The following DIP2B variants were observed in gnomAD, a reference collection of about 807,000 sequenced individuals.
DIP2B encodes the protein disco-interacting protein 2 homolog B.
In DIP2B, 76 loss-of-function variants were observed where a neutral mutation model predicts 198.0. The observed-to-expected ratio is 0.38, with a 90% CI of 0.32 to 0.46. The LOEUF (loss-of-function observed/expected upper bound fraction) is 0.46, where lower values mean the gene tolerates loss of function less well. Among genes scored for constraint, DIP2B ranks in the 20% least tolerant of loss-of-function variants. DIP2B has a pLI of 0.99. For missense variants in DIP2B, 1,559 were observed against 1,978.4 expected, an observed-to-expected ratio of 0.79 and a Z score of 4.02; for synonymous variants, 701 against 739.1, an observed-to-expected ratio of 0.95 and a Z score of 0.84.
In DIP2B at chr12:50,732,428, C is replaced by T. The variant is rs774026273; in HGVS notation, c.3873C>T (p.Arg1291=). The T allele has an allele frequency of 2.7e-5, 43 of 1,614,110 alleles. No homozygotes were observed. The highest frequency in any genetic ancestry group is 8.3e-5 in the Admixed American group (5 of 60,004). ...TGGTGGTGGCGGAGGAGAGGCCCCG[C>T]GTTGCACTCCAGCAGTCCTTCTCTA... ...TCVVVAEERP[R]VALQQSFSKL... is the part of the protein sequence containing the mutation. Residue 1291 remains arginine, a synonymous_variant, in exon 32 of 38, where the codon CGC becomes CGT. Transcript: ENST00000301180.
rs769066177 is a variant in DIP2B, at chr12:50,699,079, T to C, written c.2202T>C (p.Ile734=). ...GHVMPGGMMC[I]VKPDGPPQLC... Reference sequence around the variant, plus strand: ...TCTGTACGTTAGGGATGATGTGCATTGTGAAACCAGATGGACCTCCCCAGC... The same window carrying C: ...TCTGTACGTTAGGGATGATGTGCATCGTGAAACCAGATGGACCTCCCCAGC... Residue 734 remains isoleucine (I), a synonymous_variant, in exon 19 of 38, where the codon ATT becomes ATC. Transcript: ENST00000301180. 4 of 1,614,172 alleles carry C rather than the reference T, an allele frequency of 2.5e-6. No individual in the cohort carries two copies. The highest frequency in any genetic ancestry group is 3.3e-5 in the Admixed American group (2 of 60,012).
At chr12:50,659,741 G>GTTTTCTTTCAGACTTGAAAGAAA (rs1050827224) in intron 3 of DIP2B, among the ~76,000 whole-genome samples, 2 of 152,092 alleles carry the variant, frequency 1.3e-5, no homozygotes, top group Non-Finnish European at 2.9e-5. Flanking sequence ...TCTCAACCAA[G>GTTTTCTTTCAGACTTGAAAGAAA]TTTTCTTTCA....
At chr12:50,609,658 G>A (rs1337900242) in intron 1 of DIP2B, among the ~76,000 whole-genome samples, 1 of 152,214 alleles carries the variant, frequency 6.6e-6, no homozygotes, top group Non-Finnish European at 1.5e-5. Flanking sequence ...CCAGACCTTA[G>A]TAATTTGACC....
rs1041846954 is a variant in DIP2B, at chr12:50,746,552, C to G, written c.*1713C>G. ...TTTGTGACTCCCTTCATGTAATCCT[C>G]TTTTCCTCCCCACTCCTCCACAGAG... On this transcript the variant is annotated 3_prime_UTR_variant, in exon 38 of 38. Transcript: ENST00000301180. 2 of 152,214 alleles carry G rather than the reference C, an allele frequency of 1.3e-5. No homozygotes were observed. The highest frequency in any genetic ancestry group is 6.6e-5 in the Admixed American group (1 of 15,266). The allele number at this position is 152,214 out of a possible 1,614,324, so 9.4% of individuals were successfully genotyped here. A position where few individuals can be genotyped will look rare whatever the true frequency, so the allele number is the denominator to read the frequency against.
intron 1 of DIP2B, among the ~76,000 whole-genome samples, chr12:50,525,130 G>T (rs1362733905): frequency 6.6e-6 from 1 of 152,074 alleles, no homozygotes; most frequent in African/African-American, 2.4e-5. Context: ...GGCCGAGGCG[G>T]GCAGATCACG....
Position 50,739,439 on chromosome 12 carries a change from G to A in DIP2B, c.4207G>A (p.Gly1403Ser), listed in dbSNP as rs758467662. The change falls in exon 36 of 38, where the codon GGC becomes AGC. Residue 1403 changes from glycine to serine, a missense_variant. By Grantham distance (56) the Gly-to-Ser change is moderately conservative. Coordinates refer to ENST00000301180, the MANE Select transcript of DIP2B (RefSeq NM_173602.3). ...GGTGAACAGTCCCCATACAGCCAGC[G>A]GCTACTACACCATCTATGATAGCGA... ...IWVNSPHTAS[G>S]YYTIYDSETL... 12 of 1,613,514 alleles carry A rather than the reference G, an allele frequency of 7.4e-6. No homozygotes were observed. The highest frequency in any genetic ancestry group is 4.5e-5 in the East Asian group (2 of 44,866).
intron 28 of DIP2B, among the ~76,000 whole-genome samples, chr12:50,726,124 G>T (rs1300412877): frequency 6.6e-6 from 1 of 152,148 alleles, no homozygotes; most frequent in African/African-American, 2.4e-5. Flanking sequence ...GAGGTCAAAG[G>T]TGTTAGTCTT....
Position 50,685,965 on chromosome 12 carries a change from C to T in DIP2B, c.1441+9C>T. On this transcript the variant is annotated intron_variant, in intron 11 of 37. Transcript: ENST00000301180. ...AATTGTACAGTTTAAAGGTTAGTAA[C>T]ATTGTACCTGAATTATCAGTTAAAA... is the stretch of plus-strand genomic sequence containing the variant. 2.5e-6 allele frequency: 4 copies of T among 1,607,374 alleles called. No individual in the cohort carries two copies. Among genetic ancestry groups the T allele is most frequent in the Non-Finnish European group, 2.5e-6 (3 of 1,177,734 alleles).
chr12:50,615,451 G>A (rs1937682237), intron 1 of DIP2B, among the ~76,000 whole-genome samples: 1 of 152,052 alleles, frequency 6.6e-6, no homozygotes, highest in Non-Finnish European at 1.5e-5. Flanking sequence ...TAGGCCCTTA[G>A]CATCCAAAGG....
chr12:50,591,406 A>G (rs1417393456), intron 1 of DIP2B, among the ~76,000 whole-genome samples: 1 of 151,064 alleles, frequency 6.6e-6, no homozygotes, highest in Non-Finnish European at 1.5e-5. Context: ...TCCTTTTTTA[A>G]AATTCTTGGG....
At chr12:50,563,926 A>G (rs918627462) in intron 1 of DIP2B, among the ~76,000 whole-genome samples, 2 of 152,036 alleles carry the variant, frequency 1.3e-5, no homozygotes, top group Admixed American at 6.6e-5. Flanking sequence ...AGCTAATGAC[A>G]TCACATTTCA....
At chr12:50,563,208 A>G (rs559251663) in intron 1 of DIP2B, among the ~76,000 whole-genome samples, 1 of 152,096 alleles carries the variant, frequency 6.6e-6, no homozygotes, top group Non-Finnish European at 1.5e-5. Context: ...TTCTTCTGAG[A>G]TATGGTCTCT....
In DIP2B at chr12:50,505,286, C is replaced by T; in HGVS notation, c.100+46C>T. ...AGGGCGCCCGGGGCCCTGCGGATCG[C>T]GGCGACTTGGGAGACAGGTCCCCGC... On this transcript the variant is annotated intron_variant, in intron 1 of 37. Transcript: ENST00000301180. The T allele has an allele frequency of 2.1e-6, 3 of 1,410,350 alleles. No homozygotes were observed. The South Asian group carries it at 4.4e-5, about 21-fold the overall frequency. 87.4% of individuals were successfully genotyped at this position (1,410,350 alleles called of 1,614,324 possible).
At chr12:50,681,654 C>T (rs987033707) in intron 9 of DIP2B, among the ~76,000 whole-genome samples, 2 of 152,030 alleles carry the variant, frequency 1.3e-5, no homozygotes, top group South Asian at 4.1e-4. Context: ...CATTACTTTT[C>T]ATTTGGAATT....
intron 1 of DIP2B, among the ~76,000 whole-genome samples, chr12:50,574,114 T>C (rs891789552): frequency 6.6e-6 from 1 of 152,180 alleles, no homozygotes; most frequent in African/African-American, 2.4e-5. Context: ...CAATACTTTC[T>C]CCATCAAAAT....
intron 1 of DIP2B, among the ~76,000 whole-genome samples, chr12:50,571,073 T>A (rs1291586995): frequency 6.6e-6 from 1 of 151,752 alleles, no homozygotes; most frequent in African/African-American, 2.4e-5. Flanking sequence ...ATAATAGAGG[T>A]ATGAAAAGAA....
At chr12:50,666,757 C>T (rs558053480) in intron 4 of DIP2B, among the ~76,000 whole-genome samples, 1 of 151,926 alleles carries the variant, frequency 6.6e-6, no homozygotes, top group East Asian at 1.9e-4. Flanking sequence ...CGTGGTGGCT[C>T]ACGCCTGTAA....
intron 4 of DIP2B, among the ~76,000 whole-genome samples, chr12:50,666,199 T>C (rs1356611120): frequency 6.6e-6 from 1 of 152,216 alleles, no homozygotes; most frequent in Non-Finnish European, 1.5e-5. Flanking sequence ...CAATACCTGA[T>C]TGTAAAATTT....
At chr12:50,634,164 CAT>C (rs1041728532) in intron 2 of DIP2B, among the ~76,000 whole-genome samples, 1 of 152,202 alleles carries the variant, frequency 6.6e-6, no homozygotes, top group African/African-American at 2.4e-5. Context: ...AAGCTTCCCA[CAT>C]GTCTCAATTA....
Sources: gnomAD v4.1 joint callset for allele counts (sites outside exome capture counted in the v4.1 genomes callset) on GRCh38, gnomAD v4.1.1 for gene constraint, MANE v1.5 for transcripts, NCBI Gene and HGNC (gene_info 2026-07-23, HGNC 2026-07-21) for gene names.